The following PDCD11 variants were observed in gnomAD, a reference collection of about 807,000 sequenced individuals.
PDCD11 encodes the protein protein RRP5 homolog.
A neutral mutation model predicts 198.9 loss-of-function variants in PDCD11; 97 were observed. The ratio of observed to expected loss-of-function variants is 0.49; its 90% CI spans 0.41 to 0.58. The LOEUF (loss-of-function observed/expected upper bound fraction) is 0.58, where lower values mean the gene tolerates loss of function less well. Ranked by LOEUF, PDCD11 falls within the 20% of genes least tolerant of loss-of-function variation. The pLI, the probability that PDCD11 is intolerant of heterozygous loss-of-function variation, is 0.00. For missense variants in PDCD11, 2,102 were observed against 2,312.7 expected (o/e 0.91, Z 1.87); for synonymous variants, 893 against 918.0 (o/e 0.97, Z 0.49).
intron 12 of PDCD11, 100 bp from the exon 13 acceptor site, chr10:103,416,391 G>A: frequency 8.2e-7 from 1 of 1,220,708 alleles, no homozygotes. Flanking sequence ...GGTTCTTGGG[G>A]AATGGCCCCG....
At chr10:103,421,755 G>C (rs950057011) in intron 17 of PDCD11, among the ~76,000 whole-genome samples, 188 bp downstream of exon 17, 5 of 151,664 alleles carry the variant, frequency 3.3e-5, no homozygotes, top group Admixed American at 6.6e-5. Flanking sequence ...ATGAGGTCAG[G>C]AGATCGAGAC....
chr10:103,404,264 T>C (rs758128979), intron 4 of PDCD11, among the ~76,000 whole-genome samples: 7 of 150,346 alleles, frequency 4.7e-5, no homozygotes, highest in Non-Finnish European at 7.4e-5. Context: ...GTTGGGATTA[T>C]AGGTGTGAGC....
chr10:103,422,278 G>A (rs1008605421), intron 17 of PDCD11, among the ~76,000 whole-genome samples: 18 of 151,364 alleles, frequency 1.2e-4, no homozygotes, highest in African/African-American at 4.4e-4. Context: ...ACAGGGTTTC[G>A]CCATGTTGGC....
chr10:103,443,708 A>C (rs1257980403), intron 33 of PDCD11, among the ~76,000 whole-genome samples: 1 of 152,192 alleles, frequency 6.6e-6, no homozygotes, highest in Non-Finnish European at 1.5e-5. Context: ...GCGGATCAGC[A>C]GGGAATCCCC....
chr10:103,436,893 T>C (rs1198846894), intron 25 of PDCD11, among the ~76,000 whole-genome samples: 1 of 152,232 alleles, frequency 6.6e-6, no homozygotes, highest in Admixed American at 6.5e-5. Context: ...TTTGGACTAC[T>C]AATTGCCATT....
intron 21 of PDCD11, among the ~76,000 whole-genome samples, chr10:103,428,568 G>A (rs2031797654): frequency 6.6e-6 from 1 of 152,188 alleles, no homozygotes; most frequent in Non-Finnish European, 1.5e-5. Context: ...ACTCTGACAT[G>A]TGATGTCTTG....
chr10:103,440,206 G>T, intron 28 of PDCD11, 84 bp from the exon 29 acceptor site: 1 of 1,528,778 alleles, frequency 6.5e-7, no homozygotes, highest in South Asian at 1.3e-5. Flanking sequence ...ATCGTGGGCT[G>T]ATCAGGAGGA....
chr10:103,411,882 A>G (rs2030825930), intron 8 of PDCD11, among the ~76,000 whole-genome samples: 2 of 152,224 alleles, frequency 1.3e-5, no homozygotes, highest in Admixed American at 1.3e-4. Flanking sequence ...CCTTGGATGC[A>G]GTGACACCAG....
At chr10:103,422,376 C>T (rs981561283) in intron 17 of PDCD11, among the ~76,000 whole-genome samples, 6 of 151,528 alleles carry the variant, frequency 4.0e-5, no homozygotes, top group Admixed American at 6.6e-5. Context: ...CCACTGCGCC[C>T]GGCCAAAGTG....
chr10:103,416,022 T>C (rs1047416339), intron 12 of PDCD11, among the ~76,000 whole-genome samples: 2 of 152,202 alleles, frequency 1.3e-5, no homozygotes, highest in Non-Finnish European at 2.9e-5. Context: ...GATCAAGGGT[T>C]AAAAATACTT....
At chr10:103,423,755 G>A in intron 19 of PDCD11, 97 bp downstream of exon 19, 2 of 801,944 alleles carry the variant, frequency 2.5e-6, no homozygotes, top group Non-Finnish European at 4.3e-6. Flanking sequence ...CCTGTAGCAA[G>A]GGTAGCCCTA....
intron 7 of PDCD11, among the ~76,000 whole-genome samples, chr10:103,408,396 G>A (rs2030591080): frequency 6.6e-6 from 1 of 152,072 alleles, no homozygotes; most frequent in Admixed American, 6.6e-5. Context: ...TCCTGGGAGA[G>A]CCTCTCAACT....
At chr10:103,438,892 A>G (rs1293321449) in intron 27 of PDCD11, 84 bp downstream of exon 27, 4 of 1,442,640 alleles carry the variant, frequency 2.8e-6, no homozygotes, top group East Asian at 2.3e-5. Context: ...TCCTCGGTCA[A>G]CTTCTTTGAT....
intron 3 of PDCD11, among the ~76,000 whole-genome samples, chr10:103,402,522 T>A (rs1385246174): frequency 6.6e-6 from 1 of 151,998 alleles, no homozygotes; most frequent in East Asian, 1.9e-4. Context: ...CATTGCAACC[T>A]CCACCTCCCA....
chr10:103,443,812 G>A, intron 33 of PDCD11, 103 bp from the exon 34 acceptor site: 1 of 1,198,804 alleles, frequency 8.3e-7, no homozygotes, highest in Non-Finnish European at 1.2e-6. Context: ...GTGATTTGGT[G>A]TCTGGGAGCC....
chr10:103,437,052 C>A (rs1287116500), intron 25 of PDCD11, among the ~76,000 whole-genome samples: 1 of 152,218 alleles, frequency 6.6e-6, no homozygotes, highest in Non-Finnish European at 1.5e-5. Flanking sequence ...CTGCTGAGAT[C>A]AAACGTTCTC....
intron 7 of PDCD11, 55 bp downstream of exon 7, chr10:103,406,845 A>C (rs1271880367): frequency 2.0e-5 from 28 of 1,377,878 alleles, no homozygotes; most frequent in Middle Eastern, 2.1e-4. Flanking sequence ...TTTTCAAAAT[A>C]TTAAATGCAT....
Position 103,409,818 on chromosome 10 carries a change from T to A in PDCD11, c.978+12T>A, listed in dbSNP as rs1184303478. The A allele has an allele frequency of 6.3e-7, 1 of 1,587,232 alleles. No individual in the cohort carries two copies. Among genetic ancestry groups the A allele is most frequent in the African/African-American group, 1.3e-5 (1 of 74,528 alleles). On this transcript the variant is annotated intron_variant, in intron 8 of 35. Transcript: ENST00000369797. ...TCTCAAATCAGGCAGTAAGAAATGT[T>A]GAGCCTATATTTTCTTGATTCCAGT...
intron 15 of PDCD11, 88 bp downstream of exon 15, chr10:103,418,722 T>A (rs962302193): frequency 2.6e-5 from 29 of 1,104,908 alleles, no homozygotes; most frequent in African/African-American, 4.7e-5. Flanking sequence ...AGACAGCTAT[T>A]TGACCTCAGA....
Sources: gnomAD v4.1 joint callset for allele counts (sites outside exome capture counted in the v4.1 genomes callset) on GRCh38, gnomAD v4.1.1 for gene constraint, MANE v1.5 for transcripts, NCBI Gene and HGNC (gene_info 2026-07-23, HGNC 2026-07-21) for gene names.